Variants in CFAP299 observed in about 807,000 individuals in gnomAD.
CFAP299 encodes cilia- and flagella-associated protein 299.
Under a neutral mutation model 27.0 loss-of-function variants are expected in CFAP299, and 21 were observed. That is an observed-to-expected ratio of 0.78 (90% CI 0.55 to 1.12). CFAP299 has a LOEUF of 1.12. Among genes scored for constraint, CFAP299 ranks in the 50% most tolerant of loss-of-function variants. CFAP299 has a pLI of 0.00. For missense variants in CFAP299, 310 were observed against 276.6 expected (o/e 1.12, Z -0.86); for synonymous variants, 104 against 98.1 (o/e 1.06, Z -0.36).
At chr4:80,864,229 T>C (rs1732552286) in intron 3 of CFAP299, among the ~76,000 whole-genome samples, 1 of 151,696 alleles carries the variant, frequency 6.6e-6, no homozygotes, top group African/African-American at 2.4e-5. Context: ...ATTTATAACA[T>C]TTTAAAATTA....
chr4:80,724,814 C>CT (rs540962041), intron 3 of CFAP299, among the ~76,000 whole-genome samples: 1 of 151,526 alleles, frequency 6.6e-6, no homozygotes, highest in South Asian at 2.1e-4. Flanking sequence ...TGCTTTCTTC[C>CT]TTTTTTTTCT....
chr4:80,595,937 A>C (rs949778267), intron 3 of CFAP299, among the ~76,000 whole-genome samples: 1 of 152,214 alleles, frequency 6.6e-6, no homozygotes, highest in Non-Finnish European at 1.5e-5. Context: ...CGTGCAATAC[A>C]TAGCACTCTT....
At chr4:80,337,702 A>C (rs1307687792) in intron 1 of CFAP299, among the ~76,000 whole-genome samples, 1 of 152,120 alleles carries the variant, frequency 6.6e-6, no homozygotes, top group African/African-American at 2.4e-5. Flanking sequence ...CCAGCCCATC[A>C]ATCAGAATTC....
intron 3 of CFAP299, among the ~76,000 whole-genome samples, chr4:80,864,438 A>G (rs1732572018): frequency 6.8e-6 from 1 of 146,406 alleles, no homozygotes; most frequent in Non-Finnish European, 1.5e-5. Context: ...AGGTATATAT[A>G]TATATATATA....
intron 2 of CFAP299, chr4:80,388,508 G>A (rs777243327): frequency 3.1e-5 from 44 of 1,417,884 alleles, no homozygotes; most frequent in Non-Finnish European, 4.3e-5. Context: ...CCGCTTGTGG[G>A]TCATAAACAC....
intron 3 of CFAP299, among the ~76,000 whole-genome samples, chr4:80,639,433 T>C (rs1739613157): frequency 1.3e-5 from 2 of 152,190 alleles, no homozygotes. Flanking sequence ...ACAGCGGGAC[T>C]AGCTGTTTAA....
rs1451247962 is a variant in CFAP299, at chr4:80,476,953, G to GCA, written c.243-106139_243-106138insAC. ...ATTTTGTGTGTGTGTGCGTGTGTGT[G>GCA]CGCATGCGTGTGTGTGTGTGTGTGT... On this transcript the variant is annotated intron_variant, in intron 2 of 5. Transcript: ENST00000358105. 1.0e-3 allele frequency among the ~76,000 whole-genome samples: 129 copies of GCA among 127,980 alleles called. 1 individual carries two copies. The highest frequency in any genetic ancestry group is 3.3e-3 in the African/African-American group (109 of 32,904). The allele number at this position is 127,980 out of a possible 152,430, so 84.0% of individuals were successfully genotyped here.
intron 3 of CFAP299, among the ~76,000 whole-genome samples, chr4:80,859,507 G>C (rs892846857): frequency 2.0e-5 from 3 of 151,986 alleles, no homozygotes; most frequent in Non-Finnish European, 4.4e-5. Flanking sequence ...TCCTAGTCTC[G>C]ATGGTCTTTA....
intron 3 of CFAP299, among the ~76,000 whole-genome samples, chr4:80,747,826 C>T (rs1724707607): frequency 6.6e-6 from 1 of 152,004 alleles, no homozygotes. Context: ...CTCTCAGGTG[C>T]TCTTATCAAT....
At chr4:80,850,284 A>G (rs1731442337) in intron 3 of CFAP299, among the ~76,000 whole-genome samples, 1 of 151,988 alleles carries the variant, frequency 6.6e-6, no homozygotes, top group Admixed American at 6.6e-5. Context: ...TGGAAAAGAT[A>G]CATATTAGAA....
At chr4:80,630,428 A>G (rs1010234803) in intron 3 of CFAP299, among the ~76,000 whole-genome samples, 1 of 152,170 alleles carries the variant, frequency 6.6e-6, no homozygotes, top group Non-Finnish European at 1.5e-5. Context: ...TTTGTTCTCT[A>G]CTAAACAATT....
intron 2 of CFAP299, among the ~76,000 whole-genome samples, chr4:80,451,331 T>A (rs147578007): frequency 9.8e-5 from 15 of 152,300 alleles, no homozygotes; most frequent in African/African-American, 3.4e-4. Flanking sequence ...CCCTTACAAC[T>A]TTATTTAATA....
chr4:80,390,577 A>G (rs1725298651), intron 2 of CFAP299, among the ~76,000 whole-genome samples: 1 of 141,500 alleles, frequency 7.1e-6, no homozygotes, highest in Non-Finnish European at 1.5e-5. Context: ...ATGTATACAC[A>G]CATATATGTA....
intron 1 of CFAP299, among the ~76,000 whole-genome samples, chr4:80,340,278 C>T (rs1249570237): frequency 3.3e-5 from 5 of 152,172 alleles, no homozygotes; most frequent in Non-Finnish European, 7.4e-5. Flanking sequence ...CCACACTTCT[C>T]CCACAGATCG....
At chr4:80,645,918 T>C (rs1739986379) in intron 3 of CFAP299, among the ~76,000 whole-genome samples, 1 of 152,192 alleles carries the variant, frequency 6.6e-6, no homozygotes, top group South Asian at 2.1e-4. Flanking sequence ...ATAATTTTTG[T>C]CTAAACAAAG....
At chr4:80,883,606 GTAA>G (rs1733824121) in intron 4 of CFAP299, among the ~76,000 whole-genome samples, 1 of 151,938 alleles carries the variant, frequency 6.6e-6, no homozygotes, top group South Asian at 2.1e-4. Context: ...GTTACATAAA[GTAA>G]TAATTAAAAG....
intron 3 of CFAP299, among the ~76,000 whole-genome samples, chr4:80,771,861 G>C (rs1334599845): frequency 6.6e-6 from 1 of 152,186 alleles, no homozygotes; most frequent in Non-Finnish European, 1.5e-5. Context: ...CATTTTGATA[G>C]AGCCTGGTCA....
intron 1 of CFAP299, among the ~76,000 whole-genome samples, chr4:80,338,029 T>C (rs1013833680): frequency 6.6e-6 from 1 of 152,164 alleles, no homozygotes; most frequent in Non-Finnish European, 1.5e-5. Flanking sequence ...ATTCTTTCAG[T>C]AGTATGGCAA....
intron 1 of CFAP299, among the ~76,000 whole-genome samples, chr4:80,361,937 C>A (rs1375293905): frequency 6.6e-6 from 1 of 151,868 alleles, no homozygotes; most frequent in African/African-American, 2.4e-5. Context: ...ATGATAATGG[C>A]CACTATTAAT....
Sources: gnomAD v4.1 joint callset for allele counts (sites outside exome capture counted in the v4.1 genomes callset) on GRCh38, gnomAD v4.1.1 for gene constraint, MANE v1.5 for transcripts, NCBI Gene and HGNC (gene_info 2026-07-23, HGNC 2026-07-21) for gene names.